OSBPL8: variants seen among roughly 807,000 people sequenced by gnomAD.
OSBPL8 encodes the protein oxysterol binding protein like 8.
OSBPL8 carries 59 observed loss-of-function variants against 125.5 expected under a neutral mutation model. That is an observed-to-expected ratio of 0.47 (90% CI 0.38 to 0.58). The LOEUF is 0.58. Among genes scored for constraint, OSBPL8 ranks in the 20% least tolerant of loss-of-function variants. The probability of loss-of-function intolerance (pLI) is 0.00; values close to 1 mark genes in which losing one functional copy is unlikely to be tolerated. For synonymous variants in OSBPL8, 330 were observed against 338.9 expected, an observed-to-expected ratio of 0.97 and a Z score of 0.29; for missense variants, 758 against 1,047.8, an observed-to-expected ratio of 0.72 and a Z score of 3.82.
At chr12:76,366,258 A>C (rs1952410436) in intron 21 of OSBPL8, among the ~76,000 whole-genome samples, 1 of 152,136 alleles carries the variant, frequency 6.6e-6, no homozygotes, top group African/African-American at 2.4e-5. Context: ...CTTTATTGTT[A>C]CAGCTCTATT....
At chr12:76,496,463 T>C (rs149625743) in intron 1 of OSBPL8, among the ~76,000 whole-genome samples, 54 of 151,742 alleles carry the variant, frequency 3.6e-4, no homozygotes, top group Middle Eastern at 3.4e-3. Flanking sequence ...CTCAACCACC[T>C]GGGTGCAAGC....
chr12:76,485,711 A>AT (rs1381391237), intron 2 of OSBPL8, among the ~76,000 whole-genome samples: 1 of 152,218 alleles, frequency 6.6e-6, no homozygotes, highest in Non-Finnish European at 1.5e-5. Context: ...AGACAGACAG[A>AT]TTTCAGTTCT....
chr12:76,369,276 C>T lies in OSBPL8; in HGVS notation c.2266G>A (p.Asp756Asn), dbSNP rs1361824643. The part of the protein sequence containing the change: ...ADTRPWDPLN[D>N]MIQFEKDGVI... ...CCATCTTTTTCAAACTGTATCATAT[C>T]ATTAAGTGGGTCCCATGGTCGGGTA... Residue 756 changes from aspartate to asparagine, a missense_variant, in exon 21 of 24, where the codon GAT (aspartate) becomes AAT (asparagine). Physicochemically the swap from Asp to Asn is conservative, Grantham distance 23. This residue lies in a region of OSBPL8 where 572 missense variants were observed against 762.0 expected (regional missense o/e 0.75). Transcript: ENST00000261183. The T allele has an allele frequency of 6.2e-7, 1 of 1,606,618 alleles. No homozygotes were observed.
intron 1 of OSBPL8, among the ~76,000 whole-genome samples, chr12:76,546,011 C>G (rs997711378): frequency 6.6e-6 from 1 of 152,048 alleles, no homozygotes; most frequent in East Asian, 1.9e-4. Context: ...GGACTGAAAA[C>G]ACTGGATTCG....
chr12:76,398,323 C>T (rs1440105616), intron 7 of OSBPL8, among the ~76,000 whole-genome samples: 2 of 152,328 alleles, frequency 1.3e-5, no homozygotes, highest in African/African-American at 2.4e-5. Flanking sequence ...TGCTGGCACA[C>T]ACTAGGCATT....
At chr12:76,441,168 A>T (rs1246580865) in intron 4 of OSBPL8, among the ~76,000 whole-genome samples, 1 of 152,196 alleles carries the variant, frequency 6.6e-6, no homozygotes, top group Non-Finnish European at 1.5e-5. Flanking sequence ...TTTCTACTAC[A>T]GGACTATTTA....
intron 2 of OSBPL8, among the ~76,000 whole-genome samples, chr12:76,470,507 AT>A (rs1355255163): frequency 9.9e-5 from 15 of 152,274 alleles, no homozygotes; most frequent in Admixed American, 9.2e-4. Context: ...TCAATCTGAA[AT>A]AAAAGCATCT....
intron 4 of OSBPL8, among the ~76,000 whole-genome samples, chr12:76,429,473 T>C (rs922035415): frequency 6.9e-6 from 1 of 144,500 alleles, no homozygotes; most frequent in Non-Finnish European, 1.6e-5. Context: ...TTAAATGTTA[T>C]ACGAAATGCT....
chr12:76,455,613 A>G (rs1298773613), intron 3 of OSBPL8, among the ~76,000 whole-genome samples: 3 of 152,170 alleles, frequency 2.0e-5, no homozygotes, highest in African/African-American at 7.2e-5. Context: ...CAGTATACAG[A>G]GTGCACCTCT....
chr12:76,451,884 C>T (rs904689249), intron 3 of OSBPL8, among the ~76,000 whole-genome samples: 4 of 152,090 alleles, frequency 2.6e-5, no homozygotes, highest in African/African-American at 4.8e-5. Context: ...TTTGGGAAGT[C>T]GAGGTAGGTG....
At position 76,354,628 on chromosome 12, in the gene OSBPL8, C is replaced by G. The variant is rs1951921232; in HGVS notation, c.*1261G>C. ...AACTGAACTACCTTGGCAAAAATTGCTTTCAAGGAATATAAATATTTACGT... is the reference window on the plus strand; with the variant it reads ...AACTGAACTACCTTGGCAAAAATTGGTTTCAAGGAATATAAATATTTACGT... On this transcript the variant is annotated 3_prime_UTR_variant, in exon 24 of 24. Transcript: ENST00000261183. 1 of 151,698 alleles carries G rather than the reference C, an allele frequency of 6.6e-6. No individual in the cohort carries two copies. The highest frequency in any genetic ancestry group is 1.5e-5 in the Non-Finnish European group (1 of 67,804). The allele number at this position is 151,698 out of a possible 1,614,324, so 9.4% of individuals were successfully genotyped here.
intron 3 of OSBPL8, 46 bp downstream of exon 3, chr12:76,459,813 A>C: frequency 6.2e-7 from 1 of 1,606,944 alleles, no homozygotes; most frequent in South Asian, 1.1e-5. Flanking sequence ...ACACATCAAA[A>C]TATTATCATG....
chr12:76,430,539 G>A (rs952083158), intron 4 of OSBPL8, among the ~76,000 whole-genome samples: 15 of 152,174 alleles, frequency 9.9e-5, no homozygotes, highest in African/African-American at 3.6e-4. Flanking sequence ...ATAAAGCTCT[G>A]TAACCAATTC....
chr12:76,417,247 T>C (rs991281201), intron 4 of OSBPL8, among the ~76,000 whole-genome samples: 3 of 152,230 alleles, frequency 2.0e-5, no homozygotes, highest in African/African-American at 7.2e-5. Flanking sequence ...TAGCTTCTAC[T>C]GTTTCAGTGA....
At chr12:76,443,927 A>G (rs903788371) in intron 4 of OSBPL8, among the ~76,000 whole-genome samples, 38 of 152,216 alleles carry the variant, frequency 2.5e-4, no homozygotes, top group African/African-American at 9.2e-4. Flanking sequence ...TTTAAAGTAA[A>G]CTGATACTAA....
chr12:76,375,715 C>T (rs533609105), intron 16 of OSBPL8, among the ~76,000 whole-genome samples: 2 of 150,320 alleles, frequency 1.3e-5, no homozygotes, highest in Admixed American at 6.7e-5. Flanking sequence ...AAGGCAAACA[C>T]TCTTGGTTCA....
At chr12:76,535,315 T>C (rs1950462083) in intron 1 of OSBPL8, among the ~76,000 whole-genome samples, 1 of 151,380 alleles carries the variant, frequency 6.6e-6, no homozygotes, top group South Asian at 2.1e-4. Flanking sequence ...TTAAACAATT[T>C]ACAAAAAAAA....
At chr12:76,487,838 AG>A (rs1878319662) in intron 1 of OSBPL8, among the ~76,000 whole-genome samples, 7 of 152,344 alleles carry the variant, frequency 4.6e-5, no homozygotes, top group Admixed American at 3.9e-4. Flanking sequence ...AGTAAGAGCA[AG>A]GTTAAACATG....
rs1186815140 is a variant in OSBPL8 at position 76,516,813 on chromosome 12, TTTTC to T, written c.-67-29199_-67-29196del. 4.9e-3 allele frequency among the ~76,000 whole-genome samples: 717 copies of T among 146,064 alleles called. 5 individuals are homozygous for T. Among genetic ancestry groups the T allele is most frequent in the African/African-American group, 0.017 (693 of 39,764 alleles). ...GTCCCATTTCTTTCCTTTTCTTTTC[TTTTC>T]TTTTTTTTTTTTTTTGAGATGGAGA... On this transcript the variant is annotated intron_variant, in intron 1 of 23. Transcript: ENST00000261183.
Sources: gnomAD v4.1 joint callset for allele counts (sites outside exome capture counted in the v4.1 genomes callset) on GRCh38, gnomAD v4.1.1 for gene constraint, gnomAD v4.1.1 regional missense constraint, MANE v1.5 for transcripts, NCBI Gene and HGNC (gene_info 2026-07-23, HGNC 2026-07-21) for gene names.